CTNND2: variants seen among roughly 807,000 people sequenced by gnomAD.
CTNND2 encodes the protein catenin delta-2.
A neutral mutation model predicts 144.4 loss-of-function variants in CTNND2; 22 were observed. The ratio of observed to expected loss-of-function variants is 0.15; its 90% confidence interval spans 0.11 to 0.22. CTNND2 has a LOEUF of 0.22. CTNND2 is among the 10% of genes least tolerant of loss of function. The pLI, the probability that CTNND2 is intolerant of heterozygous loss-of-function variation, is 1.00. For missense variants in CTNND2, 1,353 were observed against 1,618.8 expected (o/e 0.84, Z 2.82); for synonymous variants, 751 against 695.6 (o/e 1.08, Z -1.25).
chr5:11,714,547 G>T (rs936838767), intron 2 of CTNND2, among the ~76,000 whole-genome samples: 11 of 152,124 alleles, frequency 7.2e-5, no homozygotes, highest in African/African-American at 2.7e-4. Flanking sequence ...TAGGTTGTAA[G>T]ATCTCTCTTA....
chr5:11,072,860 G>A (rs181976474), intron 16 of CTNND2, among the ~76,000 whole-genome samples: 1 of 152,238 alleles, frequency 6.6e-6, no homozygotes, highest in African/African-American at 2.4e-5. Context: ...GGGGGCTTGC[G>A]GTGCCCTTCC....
intron 2 of CTNND2, among the ~76,000 whole-genome samples, chr5:11,690,317 T>C (rs943781678): frequency 5.3e-5 from 8 of 152,116 alleles, no homozygotes; most frequent in African/African-American, 1.4e-4. Context: ...AAAAAAACTT[T>C]CAAACGTTAC....
At chr5:11,458,077 A>G (rs1419549025) in intron 3 of CTNND2, among the ~76,000 whole-genome samples, 3 of 152,184 alleles carry the variant, frequency 2.0e-5, no homozygotes, top group Admixed American at 2.0e-4. Flanking sequence ...TTCATATGTG[A>G]AAGAGCCAAA....
At chr5:11,876,333 GAAGAGAAAAGAA>G (rs1453942114) in intron 1 of CTNND2, among the ~76,000 whole-genome samples, 3 of 150,880 alleles carry the variant, frequency 2.0e-5, no homozygotes, top group Admixed American at 6.6e-5. Context: ...GAAGAGAGGA[GAAGAGAAAAGAA>G]AAGAGAAAAG....
chr5:11,791,136 T>A (rs1450305144), intron 1 of CTNND2, among the ~76,000 whole-genome samples: 3 of 152,184 alleles, frequency 2.0e-5, no homozygotes, highest in Admixed American at 1.3e-4. Context: ...GGAAGAGGCA[T>A]GAATCCTCCT....
At chr5:11,531,263 C>A (rs1036612906) in intron 3 of CTNND2, among the ~76,000 whole-genome samples, 1 of 151,978 alleles carries the variant, frequency 6.6e-6, no homozygotes, top group Non-Finnish European at 1.5e-5. Flanking sequence ...AATAAAGGAC[C>A]CTACACAGGT....
chr5:11,028,678 TC>T (rs1231716451), intron 16 of CTNND2, among the ~76,000 whole-genome samples: 1 of 152,198 alleles, frequency 6.6e-6, no homozygotes. Flanking sequence ...TTAAGGTTCA[TC>T]CATGTTGTAG....
chr5:11,297,231 A>G (rs1749117967), intron 9 of CTNND2, among the ~76,000 whole-genome samples: 2 of 152,248 alleles, frequency 1.3e-5, no homozygotes, highest in African/African-American at 4.8e-5. Context: ...TTTAAATTCC[A>G]TATTTCAACT....
chr5:11,800,651 C>T (rs1392660618), intron 1 of CTNND2, among the ~76,000 whole-genome samples: 1 of 152,118 alleles, frequency 6.6e-6, no homozygotes, highest in Non-Finnish European at 1.5e-5. Context: ...TTTCATTTGA[C>T]TCTTCCACAG....
intron 1 of CTNND2, among the ~76,000 whole-genome samples, chr5:11,796,305 A>C (rs1248114285): frequency 6.6e-6 from 1 of 152,054 alleles, no homozygotes; most frequent in Non-Finnish European, 1.5e-5. Flanking sequence ...TCTTCCACGA[A>C]CTACACTGAT....
chr5:11,652,050 G>A lies in CTNND2; in HGVS notation c.174+80086C>T, dbSNP rs1425971233. 9.9e-5 allele frequency among the ~76,000 whole-genome samples: 15 copies of A among 152,014 alleles called. 1 individual carries two copies. Among genetic ancestry groups the A allele is most frequent in the Admixed American group, 8.5e-4 (13 of 15,250 alleles). ...GTGAGAAGGACATGAGATTTGGGAG[G>A]GGCCAGGGGCAGAATGATATAGCTT... On this transcript the variant is annotated intron_variant, in intron 2 of 21. Coordinates refer to ENST00000304623, the MANE Select transcript of CTNND2 (RefSeq NM_001332.4).
intron 16 of CTNND2, among the ~76,000 whole-genome samples, chr5:11,039,149 A>C (rs1744401159): frequency 6.6e-6 from 1 of 152,200 alleles, no homozygotes; most frequent in Non-Finnish European, 1.5e-5. Flanking sequence ...CAAATAATGA[A>C]TCTTTGACCC....
In CTNND2 at chr5:11,022,993, TAAAGAG is replaced by T; in HGVS notation, c.2789-20_2789-15del. 1 of 1,613,024 alleles carries T rather than the reference TAAAGAG, an allele frequency of 6.2e-7. No individual in the cohort carries two copies. Among genetic ancestry groups the T allele is most frequent in the Non-Finnish European group, 8.5e-7 (1 of 1,179,310 alleles). On this transcript the variant is annotated splice_polypyrimidine_tract_variant and intron_variant, in intron 16 of 21. Coordinates refer to ENST00000304623, the MANE Select transcript of CTNND2 (RefSeq NM_001332.4). ...TGGCGTATTTGCCTGGAAAAGAAAA[TAAAGAG>T]AAGAGTTGAAAGGAGGTCAAGGTGA... is the stretch of plus-strand genomic sequence containing the variant.
chr5:11,558,341 C>CACGTGT (rs1554083650), intron 3 of CTNND2, among the ~76,000 whole-genome samples: 6,665 of 132,030 alleles, frequency 0.05, 155 homozygotes, highest in Non-Finnish European at 0.064. Context: ...GTGAGAAACA[C>CACGTGT]GTGTGTGTGT....
At chr5:11,614,185 T>C (rs934280799) in intron 2 of CTNND2, among the ~76,000 whole-genome samples, 1 of 152,214 alleles carries the variant, frequency 6.6e-6, no homozygotes, top group Non-Finnish European at 1.5e-5. Flanking sequence ...CTGCATGCCC[T>C]TTACATTTTC....
chr5:11,390,428 G>A (rs899244611), intron 6 of CTNND2, among the ~76,000 whole-genome samples: 4 of 152,122 alleles, frequency 2.6e-5, no homozygotes, highest in African/African-American at 9.7e-5. Context: ...CTCATTCTTT[G>A]GGGATCTGGC....
At chr5:10,984,925 T>A (rs1310397830) in intron 20 of CTNND2, among the ~76,000 whole-genome samples, 2 of 151,552 alleles carry the variant, frequency 1.3e-5, no homozygotes, top group African/African-American at 4.9e-5. Context: ...AATATAAAAA[T>A]TAGCCGGGCA....
chr5:11,541,057 G>A (rs1774685272), intron 3 of CTNND2, among the ~76,000 whole-genome samples: 1 of 152,126 alleles, frequency 6.6e-6, no homozygotes, highest in Non-Finnish European at 1.5e-5. Flanking sequence ...CCAAAGCCCG[G>A]GATGCACAGG....
intron 9 of CTNND2, among the ~76,000 whole-genome samples, chr5:11,307,304 AGTGTGTGTGTGTGT>A (rs3033112): frequency 2.4e-4 from 35 of 146,424 alleles, no homozygotes; most frequent in Admixed American, 5.4e-4. Flanking sequence ...AAGGTAGAGT[AGTGTGTGTGTGTGT>A]GTGTGTGTGT....
Sources: gnomAD v4.1 joint callset for allele counts (sites outside exome capture counted in the v4.1 genomes callset) on GRCh38, gnomAD v4.1.1 for gene constraint, MANE v1.5 for transcripts, NCBI Gene and HGNC (gene_info 2026-07-23, HGNC 2026-07-21) for gene names.